PRKCZ: variants seen among roughly 807,000 people sequenced by gnomAD.
The protein encoded by PRKCZ is protein kinase C zeta type.
Under a neutral mutation model 79.5 loss-of-function variants are expected in PRKCZ, and 33 were observed. The observed-to-expected ratio is 0.41, with a 90% confidence interval of 0.31 to 0.55. The LOEUF (loss-of-function observed/expected upper bound fraction) is 0.55. PRKCZ is among the 20% of genes least tolerant of loss of function. The pLI is 0.19. For synonymous variants in PRKCZ, 342 were observed against 320.9 expected (o/e 1.07, Z -0.70); for missense variants, 578 against 813.5 (o/e 0.71, Z 3.52).
At chr1:2,071,275 C>T (rs756475924) in intron 4 of PRKCZ, 4 of 395,098 alleles carry the variant, frequency 1.0e-5, no homozygotes, top group African/African-American at 2.1e-5. Flanking sequence ...TTAGCAAGGC[C>T]GTCTTGCCGT....
chr1:2,106,901 T>G (rs1668655498), intron 4 of PRKCZ, among the ~76,000 whole-genome samples: 1 of 148,224 alleles, frequency 6.7e-6, no homozygotes, highest in Admixed American at 6.7e-5. Flanking sequence ...GCCAGGTGAC[T>G]CTCAGCAAGC....
chr1:2,107,678 T>G (rs895288352), intron 4 of PRKCZ, among the ~76,000 whole-genome samples: 3 of 151,918 alleles, frequency 2.0e-5, no homozygotes, highest in Admixed American at 2.0e-4. Context: ...GACCTTGGGT[T>G]CTCAGGACTG....
At chr1:2,091,512 C>T (rs1036832923) in intron 4 of PRKCZ, among the ~76,000 whole-genome samples, 2 of 152,146 alleles carry the variant, frequency 1.3e-5, no homozygotes, top group African/African-American at 4.8e-5. Context: ...TACGATGTCT[C>T]GCCGTCCTCG....
At chr1:2,163,193 C>A (rs1682655743) in intron 10 of PRKCZ, among the ~76,000 whole-genome samples, 1 of 152,268 alleles carries the variant, frequency 6.6e-6, no homozygotes, top group African/African-American at 2.4e-5. Flanking sequence ...GCAGTGCCAT[C>A]CTCAAGGCAG....
intron 7 of PRKCZ, among the ~76,000 whole-genome samples, chr1:2,147,095 CATGT>C (rs201135429): frequency 6.6e-6 from 1 of 152,010 alleles, no homozygotes; most frequent in African/African-American, 2.4e-5. Context: ...TCCATCTATC[CATGT>C]ATCTATTGTC....
In PRKCZ at chr1:2,174,746, C is replaced by T. The variant is rs1490387967; in HGVS notation, c.1406-8C>T. ...CAGGCAAGTCCTCACCAGGCTCCGCCCTTGCAGTGATCCTGGAGAAGCCCA... is the reference window on the plus strand; with the variant it reads ...CAGGCAAGTCCTCACCAGGCTCCGCTCTTGCAGTGATCCTGGAGAAGCCCA... On this transcript the variant is annotated splice_region_variant and splice_polypyrimidine_tract_variant and intron_variant, in intron 14 of 17. Transcript: ENST00000378567. The surrounding 1 kb of genome is among the most constrained non-coding windows in gnomAD (Gnocchi z 6.2). 1 of 1,613,436 alleles carries T rather than the reference C, an allele frequency of 6.2e-7. No individual in the cohort carries two copies. The highest frequency in any genetic ancestry group is 1.7e-5 in the Admixed American group (1 of 60,006).
upstream of PRKCZ, among the ~76,000 whole-genome samples, chr1:2,048,689 G>A (rs144883853): frequency 9.9e-5 from 15 of 152,282 alleles, no homozygotes; most frequent in Middle Eastern, 6.8e-3. Flanking sequence ...AGTGTTGGTT[G>A]GGAGCTCAGG....
intron 8 of PRKCZ, among the ~76,000 whole-genome samples, chr1:2,150,226 C>G (rs894012919): frequency 2.0e-5 from 3 of 151,986 alleles, no homozygotes; most frequent in Admixed American, 2.0e-4. Flanking sequence ...CCCAAGGAAC[C>G]GCCTCCTCCA....
At chr1:2,133,681 ACTCGGCCCCTC>A (rs1675526983) in intron 4 of PRKCZ, 1 of 150,524 alleles carries the variant, frequency 6.6e-6, no homozygotes, top group Non-Finnish European at 1.5e-5. Flanking sequence ...CTGTCCCTCG[ACTCGGCCCCTC>A]AGCTGTGCGC....
chr1:2,083,443 C>T (rs1484172479), intron 4 of PRKCZ, among the ~76,000 whole-genome samples: 3 of 152,184 alleles, frequency 2.0e-5, no homozygotes, highest in Non-Finnish European at 4.4e-5. Context: ...ATTTATTCCT[C>T]ATTAACTCTA....
Position 2,127,116 on chromosome 1 carries a change from G to A in PRKCZ, c.335-8146G>A, listed in dbSNP as rs1674066654. Among the ~76,000 whole-genome samples the A allele has an allele frequency of 6.6e-6, 1 of 152,222 alleles. No homozygotes were observed. The highest frequency in any genetic ancestry group is 2.1e-4 in the South Asian group (1 of 4,830). ...ACTAAGCAGCTGTGGGGAAGGGGGA[G>A]GTTGTTGCCTCAGTGGGAGCCTGGG... On this transcript the variant is annotated intron_variant, in intron 4 of 17. Transcript: ENST00000378567. This position sits in a 1 kb window ranked among gnomAD's most constrained non-coding sequence, Gnocchi z 5.1.
chr1:2,173,163 A>G lies in PRKCZ; in HGVS notation c.1286-734A>G, dbSNP rs1005679746. The stretch of plus-strand genomic sequence containing the variant: ...GGTGTGCCTTCAGACATTTTTACAC[A>G]TTTTTTTTGCCATCAGAATGGGTGT... On this transcript the variant is annotated intron_variant, in intron 13 of 17. Transcript: ENST00000378567. The surrounding 1 kb of genome is among the most constrained non-coding windows in gnomAD (Gnocchi z 5.7). Among the ~76,000 whole-genome samples, 2 of 151,874 alleles carry G rather than the reference A, an allele frequency of 1.3e-5. No individual in the cohort carries two copies. Among genetic ancestry groups the G allele is most frequent in the Non-Finnish European group, 2.9e-5 (2 of 67,956 alleles).
chr1:2,103,987 T>C (rs918239122), intron 4 of PRKCZ, among the ~76,000 whole-genome samples: 2 of 152,162 alleles, frequency 1.3e-5, no homozygotes, highest in Admixed American at 6.5e-5. Flanking sequence ...AACATTTGGC[T>C]CAGGTGTCCA....
At chr1:2,079,971 A>AG (rs1663177529) in intron 4 of PRKCZ, among the ~76,000 whole-genome samples, 1 of 152,106 alleles carries the variant, frequency 6.6e-6, no homozygotes, top group Non-Finnish European at 1.5e-5. Flanking sequence ...TGGGTGAGGA[A>AG]GGGGGTCTGG....
At chr1:2,167,082 A>G (rs1237918435) in intron 10 of PRKCZ, among the ~76,000 whole-genome samples, 2 of 152,226 alleles carry the variant, frequency 1.3e-5, no homozygotes, top group African/African-American at 4.8e-5. Flanking sequence ...AGAAATGTCA[A>G]AAGTAGCATT....
intron 5 of PRKCZ, among the ~76,000 whole-genome samples, chr1:2,139,623 A>G (rs1676914540): frequency 6.6e-6 from 1 of 152,112 alleles, no homozygotes; most frequent in Non-Finnish European, 1.5e-5. Flanking sequence ...ACAACAAAAA[A>G]GTAATTAAAG....
In PRKCZ at chr1:2,150,988, GC is replaced by G; in HGVS notation, c.876+11del. On this transcript the variant is annotated intron_variant, in intron 9 of 17. Coordinates refer to ENST00000378567, the MANE Select transcript of PRKCZ (RefSeq NM_002744.6). ...GGTGCATGATGACGAGGTAGGTGCC[GC>G]TTCTCATGGGGCCCGGGGGCCCGGG... 1 of 1,612,398 alleles carries G rather than the reference GC, an allele frequency of 6.2e-7. No homozygotes were observed. Among genetic ancestry groups the G allele is most frequent in the Non-Finnish European group, 8.5e-7 (1 of 1,179,654 alleles).
intron 4 of PRKCZ, among the ~76,000 whole-genome samples, chr1:2,124,748 C>T (rs1197374870): frequency 6.6e-6 from 1 of 152,014 alleles, no homozygotes; most frequent in Non-Finnish European, 1.5e-5. Flanking sequence ...GATGCCTGGC[C>T]CGGCTTTCTG....
At chr1:2,095,974 C>G (rs1312624861) in intron 4 of PRKCZ, among the ~76,000 whole-genome samples, 1 of 147,624 alleles carries the variant, frequency 6.8e-6, no homozygotes, top group African/African-American at 2.5e-5. Context: ...TCTGCTGTGC[C>G]AGGGGCCAGG....
Sources: gnomAD v4.1 joint callset for allele counts (sites outside exome capture counted in the v4.1 genomes callset) on GRCh38, gnomAD v4.1.1 for gene constraint, Gnocchi (gnomAD v3.1) non-coding constraint, MANE v1.5 for transcripts, NCBI Gene and HGNC (gene_info 2026-07-23, HGNC 2026-07-21) for gene names.